The following ARFIP1 variants were observed in gnomAD, a reference collection of about 807,000 sequenced individuals.
The protein encoded by ARFIP1 is arfaptin-1.
A neutral mutation model predicts 42.5 loss-of-function variants in ARFIP1; 24 were observed. That is an observed-to-expected ratio of 0.57 (90% CI 0.41 to 0.80). The LOEUF is 0.80. Among genes scored for constraint, ARFIP1 ranks in the 30% least tolerant of loss-of-function variants. The pLI is 0.00. For missense variants in ARFIP1, 354 were observed against 434.0 expected (o/e 0.82, Z 1.64); for synonymous variants, 141 against 153.7 (o/e 0.92, Z 0.61).
chr4:152,879,789 T>C (rs1735676818), intron 5 of ARFIP1, among the ~76,000 whole-genome samples: 1 of 152,118 alleles, frequency 6.6e-6, no homozygotes, highest in African/African-American at 2.4e-5. Flanking sequence ...GTGGAGATTG[T>C]GGTGAGCTGA....
rs1334162270 is a variant in ARFIP1, at chr4:152,870,850, T to C, written c.298+2T>C. ...GAAGTGATTTAATTGTTCCTGCAGG[T>C]ATTCACTGCACTGATTGGATAAAGC... On this transcript the variant is annotated splice_donor_variant, in intron 4 of 8. Transcript: ENST00000353617. LOFTEE classifies it high-confidence loss of function. The C allele has an allele frequency of 6.2e-7, 1 of 1,605,736 alleles. No individual in the cohort carries two copies. Among genetic ancestry groups the C allele is most frequent in the South Asian group, 1.1e-5 (1 of 90,892 alleles).
At chr4:152,901,552 T>C (rs756479753) in intron 8 of ARFIP1, among the ~76,000 whole-genome samples, 1 of 152,236 alleles carries the variant, frequency 6.6e-6, no homozygotes, top group African/African-American at 2.4e-5. Context: ...AGTGAGTTTG[T>C]AATGATTTAG....
intron 2 of ARFIP1, among the ~76,000 whole-genome samples, chr4:152,847,039 A>G (rs1732588270): frequency 6.7e-6 from 1 of 150,360 alleles, no homozygotes; most frequent in Admixed American, 6.6e-5. Flanking sequence ...CAATATTCAC[A>G]TCTATGTAGA....
In ARFIP1 at chr4:152,911,747, G is replaced by C. The variant is rs1182596431; in HGVS notation, c.*1528G>C. The C allele has an allele frequency of 1.3e-5, 2 of 152,526 alleles. No homozygotes were observed. The highest frequency in any genetic ancestry group is 3.8e-4 in the East Asian group (2 of 5,198). 9.4% of individuals were successfully genotyped at this position (152,526 alleles called of 1,614,324 possible). A position where few individuals can be genotyped will look rare whatever the true frequency, so the allele number is the denominator to read the frequency against. ...GTGCTTAATACAATGTAATGTGATT[G>C]TAAATCATACCTATTTTAAATCATT... On this transcript the variant is annotated 3_prime_UTR_variant, in exon 9 of 9. Coordinates refer to ENST00000353617, the MANE Select transcript of ARFIP1 (RefSeq NM_001025595.3).
chr4:152,854,343 T>C (rs1248779936), intron 2 of ARFIP1, among the ~76,000 whole-genome samples: 3 of 152,242 alleles, frequency 2.0e-5, no homozygotes, highest in Non-Finnish European at 2.9e-5. Context: ...TCTTTATCTC[T>C]TTGGTAAATT....
chr4:152,809,047 T>C (rs12639863), intron 1 of ARFIP1, among the ~76,000 whole-genome samples: 20,923 of 151,774 alleles, frequency 0.14, 1,530 homozygotes, highest in African/African-American at 0.18. Context: ...GGAAGACCCG[T>C]CTCAAAAAAA....
chr4:152,881,039 ATATAT>A lies in ARFIP1; in HGVS notation c.491_495del (p.Ile164LysfsTer3). 1 of 1,613,882 alleles carries A rather than the reference ATATAT, an allele frequency of 6.2e-7. No individual in the cohort carries two copies. Among genetic ancestry groups the A allele is most frequent in the Non-Finnish European group, 8.5e-7 (1 of 1,179,802 alleles). ...GACCTTGAACTTGAAGCTCAGATTG[ATATAT>A]TAAGGGATAACAAGAAAAAATATGA... On this transcript the variant is annotated frameshift_variant, in exon 6 of 9. Coordinates refer to ENST00000353617, the MANE Select transcript of ARFIP1 (RefSeq NM_001025595.3). LOFTEE classifies it high-confidence loss of function.
chr4:152,782,305 A>T (rs1355083811), intron 1 of ARFIP1, among the ~76,000 whole-genome samples: 1 of 151,968 alleles, frequency 6.6e-6, no homozygotes, highest in Admixed American at 6.6e-5. Context: ...GGAAAGGAGA[A>T]TGCAGGGATT....
intron 1 of ARFIP1, among the ~76,000 whole-genome samples, chr4:152,814,097 C>CTTT (rs67593845): frequency 2.7e-5 from 3 of 110,890 alleles, no homozygotes; most frequent in African/African-American, 6.6e-5. Flanking sequence ...TCTTCTTCTT[C>CTTT]TTTTTTTTTT....
At chr4:152,875,592 T>G (rs1453275506) in intron 5 of ARFIP1, among the ~76,000 whole-genome samples, 1 of 152,204 alleles carries the variant, frequency 6.6e-6, no homozygotes, top group Non-Finnish European at 1.5e-5. Flanking sequence ...TTGGTTGACT[T>G]ACTTCCCCTG....
At position 152,797,413 on chromosome 4, in the gene ARFIP1, T is replaced by G. The variant is rs116248318; in HGVS notation, c.-10+17187T>G. 3.0e-3 allele frequency among the ~76,000 whole-genome samples: 452 copies of G among 152,338 alleles called. 4 individuals carry two copies. The highest frequency in any genetic ancestry group is 0.01 in the African/African-American group (436 of 41,576). On this transcript the variant is annotated intron_variant, in intron 1 of 8. Coordinates refer to ENST00000353617, the MANE Select transcript of ARFIP1 (RefSeq NM_001025595.3). The stretch of plus-strand genomic sequence containing the variant: ...AGAGGTGGTCTCCTTGTGGTTTTCC[T>G]TTTTCAATGATTTCCTACCTATTCT...
intron 1 of ARFIP1, among the ~76,000 whole-genome samples, chr4:152,793,798 T>C (rs1023808852): frequency 7.9e-5 from 12 of 152,150 alleles, no homozygotes; most frequent in African/African-American, 2.9e-4. Context: ...ATTTTCCTCA[T>C]TGGTGCTGTT....
Position 152,822,924 on chromosome 4 carries a change from G to A in ARFIP1, c.-9-6701G>A, listed in dbSNP as rs575594936. ...TACAGCAAAAGCAGTGCTAACAAAT[G>A]TGCTAAACACCTACATAAAAAAATA... On this transcript the variant is annotated intron_variant, in intron 1 of 8. Transcript: ENST00000353617. Among the ~76,000 whole-genome samples the A allele has an allele frequency of 2.3e-3, 356 of 152,076 alleles. 1 individual carries two copies. The highest frequency in any genetic ancestry group is 4.0e-3 in the Non-Finnish European group (271 of 68,004).
chr4:152,784,315 C>G (rs1730671841), intron 1 of ARFIP1, among the ~76,000 whole-genome samples: 1 of 152,186 alleles, frequency 6.6e-6, no homozygotes, highest in Admixed American at 6.5e-5. Flanking sequence ...CCGAATGGCT[C>G]TTGCAGATTA....
chr4:152,850,789 C>G (rs1732916740), intron 2 of ARFIP1: 1 of 152,102 alleles, frequency 6.6e-6, no homozygotes, highest in Admixed American at 6.6e-5. Flanking sequence ...ACCCTGCCTT[C>G]TAACAATAGA....
chr4:152,880,116 T>A lies in ARFIP1; in HGVS notation c.412-847T>A, dbSNP rs370856611. 1.6e-4 allele frequency among the ~76,000 whole-genome samples: 24 copies of A among 152,140 alleles called. 1 individual carries two copies. In the East Asian group the frequency reaches 3.9e-3, roughly 25 times the overall value. ...CAGCACTTTGGGAGGCCAAGGCAGG[T>A]TGATCAGTTGAGCCCAGGAGTTTGA... On this transcript the variant is annotated intron_variant, in intron 5 of 8. Transcript: ENST00000353617.
At chr4:152,896,386 G>A (rs1035599898) in intron 8 of ARFIP1, among the ~76,000 whole-genome samples, 1 of 152,080 alleles carries the variant, frequency 6.6e-6, no homozygotes, top group African/African-American at 2.4e-5. Flanking sequence ...GAATAAACTG[G>A]TTTTTTCATA....
intron 2 of ARFIP1, among the ~76,000 whole-genome samples, chr4:152,853,358 T>A (rs1465747396): frequency 6.6e-6 from 1 of 152,234 alleles, no homozygotes; most frequent in Non-Finnish European, 1.5e-5. Flanking sequence ...AGTGCCTGTC[T>A]ACTGGTGATG....
At chr4:152,806,533 T>A (rs1361028259) in intron 1 of ARFIP1, among the ~76,000 whole-genome samples, 2 of 152,178 alleles carry the variant, frequency 1.3e-5, no homozygotes, top group Non-Finnish European at 2.9e-5. Context: ...TTTATTGAGG[T>A]AAAATTTACA....
Sources: allele counts gnomAD v4.1 joint callset (sites outside exome capture counted in the v4.1 genomes callset), GRCh38; gene constraint gnomAD v4.1.1; transcripts MANE v1.5; gene names NCBI Gene and HGNC (gene_info 2026-07-23, HGNC 2026-07-21).